Variants in LTBP1 observed in about 807,000 individuals in gnomAD.
The protein encoded by LTBP1 is latent-transforming growth factor beta-binding protein 1.
LTBP1 carries 129 observed loss-of-function variants against 207.6 expected under a neutral mutation model. That is an observed-to-expected ratio of 0.62 (90% CI 0.54 to 0.72). LTBP1 has a LOEUF of 0.72. LTBP1 is among the 30% of genes least tolerant of loss of function. LTBP1 has a pLI of 0.00. For missense variants in LTBP1, 2,281 were observed against 2,217.2 expected, an observed-to-expected ratio of 1.03 and a Z score of -0.58; for synonymous variants, 963 against 833.7, an observed-to-expected ratio of 1.16 and a Z score of -2.67.
At chr2:33,268,462 T>A (rs1207099589) in intron 15 of LTBP1, among the ~76,000 whole-genome samples, 1 of 152,210 alleles carries the variant, frequency 6.6e-6, no homozygotes, top group Non-Finnish European at 1.5e-5. Context: ...AGTAGCCTTT[T>A]CACATTTAGC....
chr2:33,246,479 G>GCACA (rs145652084), intron 10 of LTBP1, among the ~76,000 whole-genome samples: 16 of 147,208 alleles, frequency 1.1e-4, no homozygotes, highest in Middle Eastern at 6.8e-3. Context: ...ACACGCACAC[G>GCACA]CACACACACA....
intron 1 of LTBP1, 131 bp from the exon 2 acceptor site, chr2:32,948,744 C>G: frequency 1.2e-6 from 1 of 827,876 alleles, no homozygotes; most frequent in East Asian, 2.5e-5. Context: ...TCCAGGGTAC[C>G]TGTTAGGACT....
At chr2:33,010,701 C>A (rs1687564656) in intron 2 of LTBP1, among the ~76,000 whole-genome samples, 1 of 150,948 alleles carries the variant, frequency 6.6e-6, no homozygotes, top group African/African-American at 2.4e-5. Flanking sequence ...ATGACTGTAT[C>A]ACATTCTAGG....
Position 33,365,428 on chromosome 2 carries a change from A to C in LTBP1, c.4636A>C (p.Thr1546Pro). The C allele has an allele frequency of 6.2e-7, 1 of 1,614,158 alleles. No individual in the cohort carries two copies. Among genetic ancestry groups the C allele is most frequent in the Non-Finnish European group, 8.5e-7 (1 of 1,180,020 alleles). The change falls in exon 31 of 34, where the codon ACG (threonine) becomes CCG (proline). Residue 1546 changes from threonine to proline, a missense_variant. Physicochemically the swap from Thr to Pro is conservative, Grantham distance 38 (BLOSUM62 -1). Transcript: ENST00000404816. The part of the protein sequence containing the change: ...CSRPLVGKQT[T>P]YTECCCLYGE... ...CCGGCCTCTTGTGGGCAAGCAGACA[A>C]CGTACACTGAGTGCTGCTGTCTGTA...
intron 20 of LTBP1, among the ~76,000 whole-genome samples, chr2:33,297,053 A>G (rs1211133491): frequency 6.6e-6 from 1 of 152,212 alleles, no homozygotes; most frequent in Non-Finnish European, 1.5e-5. Context: ...TGCGTCTGGG[A>G]AAGCTTCACA....
At chr2:33,146,372 G>T (rs1030894445) in intron 5 of LTBP1, among the ~76,000 whole-genome samples, 12 of 152,280 alleles carry the variant, frequency 7.9e-5, no homozygotes, top group African/African-American at 2.6e-4. Context: ...CAAATAACAA[G>T]CCCCTATGAG....
At chr2:33,385,260 A>C (rs1477910293) in intron 31 of LTBP1, among the ~76,000 whole-genome samples, 1 of 152,224 alleles carries the variant, frequency 6.6e-6, no homozygotes, top group African/African-American at 2.4e-5. Flanking sequence ...AAAAACTCCA[A>C]ATAGTCTTGA....
intron 24 of LTBP1, among the ~76,000 whole-genome samples, chr2:33,318,201 A>G (rs1490387936): frequency 2.0e-5 from 3 of 152,176 alleles, no homozygotes; most frequent in Admixed American, 1.3e-4. Flanking sequence ...GGTAAGGGAT[A>G]CTCAACCTGT....
At chr2:33,076,028 A>G (rs2078063830) in intron 3 of LTBP1, among the ~76,000 whole-genome samples, 1 of 152,226 alleles carries the variant, frequency 6.6e-6, no homozygotes, top group African/African-American at 2.4e-5. Flanking sequence ...TGTTGAAGTT[A>G]TTATTGCCCA....
intron 5 of LTBP1, among the ~76,000 whole-genome samples, chr2:33,148,525 T>A (rs74940742): frequency 0.035 from 5,314 of 152,260 alleles, 140 homozygotes; most frequent in Middle Eastern, 0.14. Context: ...ATTGCAACTT[T>A]CCCTTCTGTG....
intron 11 of LTBP1, among the ~76,000 whole-genome samples, chr2:33,255,007 ATGCTGGTGCGC>A (rs2092809916): frequency 6.9e-6 from 1 of 144,526 alleles, no homozygotes; most frequent in African/African-American, 2.6e-5. Flanking sequence ...TACATGTGCC[ATGCTGGTGCGC>A]TGCACCCACT....
intron 32 of LTBP1, among the ~76,000 whole-genome samples, chr2:33,392,371 G>A (rs944894767): frequency 6.6e-6 from 1 of 152,108 alleles, no homozygotes; most frequent in Non-Finnish European, 1.5e-5. Context: ...ATTTTTAGTA[G>A]AGATGGAGTT....
intron 9 of LTBP1, among the ~76,000 whole-genome samples, chr2:33,235,577 C>G (rs2092003604): frequency 6.6e-6 from 1 of 152,212 alleles, no homozygotes; most frequent in Non-Finnish European, 1.5e-5. Context: ...GATTATAAAT[C>G]ATTCTACTAT....
intron 3 of LTBP1, among the ~76,000 whole-genome samples, chr2:33,052,426 G>C (rs773727536): frequency 2.6e-5 from 4 of 152,212 alleles, no homozygotes; most frequent in Non-Finnish European, 4.4e-5. Context: ...AAGTGAATGG[G>C]AAAATAGGAA....
At chr2:33,277,729 A>G (rs895045234) in intron 18 of LTBP1, among the ~76,000 whole-genome samples, 4 of 143,886 alleles carry the variant, frequency 2.8e-5, no homozygotes, top group African/African-American at 8.1e-5. Context: ...CCCAACCCCC[A>G]ACAAAGAAGT....
intron 5 of LTBP1, among the ~76,000 whole-genome samples, chr2:33,141,356 G>T (rs114402980): frequency 0.012 from 1,874 of 152,250 alleles, 25 homozygotes; most frequent in Non-Finnish European, 0.019. Context: ...CTGGAGATTT[G>T]ATACAGAATA....
At chr2:32,954,761 G>A (rs759909911) in intron 2 of LTBP1, among the ~76,000 whole-genome samples, 1 of 152,070 alleles carries the variant, frequency 6.6e-6, no homozygotes, top group Non-Finnish European at 1.5e-5. Flanking sequence ...TCATTCCTGG[G>A]GCACTTGGGA....
intron 15 of LTBP1, among the ~76,000 whole-genome samples, chr2:33,269,272 C>G (rs967712925): frequency 6.6e-6 from 1 of 152,168 alleles, no homozygotes; most frequent in Admixed American, 6.5e-5. Flanking sequence ...GGCCTTGTTG[C>G]TGGTATAAAT....
At chr2:32,969,888 A>G (rs1016454717) in intron 2 of LTBP1, among the ~76,000 whole-genome samples, 8 of 152,202 alleles carry the variant, frequency 5.3e-5, no homozygotes, top group South Asian at 2.1e-4. Flanking sequence ...ATTCCCACCT[A>G]CAGTGTATAA....
Sources: allele counts gnomAD v4.1 joint callset (sites outside exome capture counted in the v4.1 genomes callset), GRCh38; gene constraint gnomAD v4.1.1; transcripts MANE v1.5; gene names NCBI Gene and HGNC (gene_info 2026-07-23, HGNC 2026-07-21).